The following IKZF2 variants were observed in gnomAD, a reference collection of about 807,000 sequenced individuals.
IKZF2 encodes IKAROS family zinc finger 2.
A neutral mutation model predicts 49.2 loss-of-function variants in IKZF2; 15 were observed. That is an observed-to-expected ratio of 0.30 (90% confidence interval 0.20 to 0.47). The LOEUF is 0.47. Among genes scored for constraint, IKZF2 ranks in the 20% least tolerant of loss-of-function variants. The pLI is 1.00. For missense variants in IKZF2, 567 were observed against 664.6 expected, an observed-to-expected ratio of 0.85 and a Z score of 1.61; for synonymous variants, 227 against 221.4, an observed-to-expected ratio of 1.03 and a Z score of -0.23.
In IKZF2 at chr2:213,089,482, C is replaced by G. The variant is rs1705049894; in HGVS notation, c.140-32383G>C. On this transcript the variant is annotated intron_variant, in intron 4 of 8. Coordinates refer to ENST00000434687, the MANE Select transcript of IKZF2 (RefSeq NM_001387220.1). The stretch of plus-strand genomic sequence containing the variant: ...ATATATGATCACCCCATACAGATCT[C>G]TCCCCTCTTTCAGACCACTGTAACC... Among the ~76,000 whole-genome samples the G allele has an allele frequency of 2.6e-5, 4 of 152,312 alleles. No homozygotes were observed. In the South Asian group the frequency reaches 8.3e-4, roughly 32 times the overall value.
rs1053231182 is a variant in IKZF2, at chr2:213,007,465, G to A, written c.1476C>T (p.Cys492=). ...ATTCCAGTGGGTCCCGGTAGCCATG[G>A]CAACCCATGTGAATGGTGTACATGA... ...DHVMYTIHMG[C]HGYRDPLECN... Residue 492 remains cysteine, a synonymous_variant, in exon 9 of 9, where the codon TGC becomes TGT. Transcript: ENST00000434687. 5 of 1,613,598 alleles carry A rather than the reference G, an allele frequency of 3.1e-6. No individual in the cohort carries two copies. The highest frequency in any genetic ancestry group is 4.2e-6 in the Non-Finnish European group (5 of 1,179,652).
intron 6 of IKZF2, among the ~76,000 whole-genome samples, chr2:213,039,101 C>CA (rs1699355055): frequency 2.0e-5 from 3 of 151,866 alleles, no homozygotes; most frequent in Admixed American, 2.0e-4. Flanking sequence ...CTTAAAAATG[C>CA]ATGTTAGTTT....
chr2:213,075,639 C>G (rs890844237), intron 4 of IKZF2, among the ~76,000 whole-genome samples: 1 of 152,006 alleles, frequency 6.6e-6, no homozygotes, highest in Non-Finnish European at 1.5e-5. Context: ...TTTCTTTTAA[C>G]AAAACTAGAA....
chr2:213,050,858 C>T (rs925527707), intron 5 of IKZF2, among the ~76,000 whole-genome samples: 2 of 151,872 alleles, frequency 1.3e-5, no homozygotes, highest in African/African-American at 4.8e-5. Flanking sequence ...ATTTTAAATT[C>T]ACCTATCACT....
At chr2:213,045,468 A>C (rs146093855) in intron 6 of IKZF2, among the ~76,000 whole-genome samples, 1 of 152,322 alleles carries the variant, frequency 6.6e-6, no homozygotes, top group African/African-American at 2.4e-5. Context: ...CCTTAAGGCT[A>C]GGTCAACTCT....
intron 5 of IKZF2, among the ~76,000 whole-genome samples, chr2:213,050,550 G>C (rs925528220): frequency 6.6e-6 from 1 of 152,140 alleles, no homozygotes; most frequent in African/African-American, 2.4e-5. Flanking sequence ...CAGGTTTCTT[G>C]ATTCTCCTGG....
chr2:213,015,122 T>G (rs1057273993), intron 7 of IKZF2: 1 of 152,044 alleles, frequency 6.6e-6, no homozygotes, highest in Non-Finnish European at 1.5e-5. Flanking sequence ...ACAATTCAGT[T>G]GATGTATTTA....
intron 4 of IKZF2, among the ~76,000 whole-genome samples, chr2:213,078,719 A>G (rs1248660500): frequency 6.6e-6 from 1 of 152,182 alleles, no homozygotes; most frequent in Non-Finnish European, 1.5e-5. Context: ...GTGGCTACCT[A>G]ATTTTGACAG....
chr2:213,094,688 G>T (rs1283425042), intron 4 of IKZF2, among the ~76,000 whole-genome samples: 2 of 152,126 alleles, frequency 1.3e-5, no homozygotes, highest in Admixed American at 6.6e-5. Context: ...TCTCAAACCT[G>T]TACAAAAGCA....
At position 213,083,538 on chromosome 2, in the gene IKZF2, C is replaced by A. The variant is rs567083479; in HGVS notation, c.140-26439G>T. On this transcript the variant is annotated intron_variant, in intron 4 of 8. Transcript: ENST00000434687. ...AGCTGGGATTACAGACATGCGCCAC[C>A]ACACCAGGCTAACTTTTTTTTTTTT... 2.7e-5 allele frequency among the ~76,000 whole-genome samples: 4 copies of A among 148,570 alleles called. No homozygotes were observed. The East Asian group carries it at 7.8e-4, about 29-fold the overall frequency.
At chr2:213,095,448 A>G (rs1296652208) in intron 4 of IKZF2, among the ~76,000 whole-genome samples, 1 of 152,086 alleles carries the variant, frequency 6.6e-6, no homozygotes, top group Non-Finnish European at 1.5e-5. Flanking sequence ...TGTAAAATGA[A>G]CATATGTAAA....
At chr2:213,104,869 T>A (rs1393252574) in intron 4 of IKZF2, among the ~76,000 whole-genome samples, 1 of 152,124 alleles carries the variant, frequency 6.6e-6, no homozygotes. Context: ...CATACTCAGA[T>A]AAGAATGTAA....
At chr2:213,148,543 A>G (rs1294521471) in intron 3 of IKZF2, 53 bp downstream of exon 3, 1 of 1,240,888 alleles carries the variant, frequency 8.1e-7, no homozygotes, top group Non-Finnish European at 1.2e-6. Flanking sequence ...AAACACAGGT[A>G]ATACAAAGGC....
chr2:213,048,120 TAG>T (rs1700338551), intron 6 of IKZF2, among the ~76,000 whole-genome samples: 2 of 152,238 alleles, frequency 1.3e-5, no homozygotes, highest in South Asian at 4.1e-4. Flanking sequence ...GGTGATGCAG[TAG>T]CTGGATGCCC....
At chr2:213,144,678 C>T (rs1030299436) in intron 4 of IKZF2, among the ~76,000 whole-genome samples, 11 of 151,962 alleles carry the variant, frequency 7.2e-5, no homozygotes, top group Non-Finnish European at 1.6e-4. Flanking sequence ...ACTGTCATCC[C>T]TGACACCGAA....
chr2:213,105,492 C>T (rs73077283), intron 4 of IKZF2, among the ~76,000 whole-genome samples: 1,906 of 147,310 alleles, frequency 0.013, 34 homozygotes, highest in African/African-American at 0.046. Flanking sequence ...TTTGTCTATA[C>T]ACAATACGTC....
chr2:213,128,898 C>G (rs1003742864), intron 4 of IKZF2, among the ~76,000 whole-genome samples: 1 of 150,918 alleles, frequency 6.6e-6, no homozygotes, highest in Non-Finnish European at 1.5e-5. Context: ...GTGATCCACC[C>G]GTCTCGGCCT....
intron 6 of IKZF2, among the ~76,000 whole-genome samples, chr2:213,028,894 A>G (rs539554092): frequency 7.3e-4 from 111 of 152,098 alleles, no homozygotes; most frequent in Admixed American, 2.6e-3. Context: ...AATTATGTCA[A>G]ATACTTTTTC....
intron 4 of IKZF2, among the ~76,000 whole-genome samples, chr2:213,114,824 C>T (rs1013021724): frequency 6.6e-6 from 1 of 151,546 alleles, no homozygotes; most frequent in Non-Finnish European, 1.5e-5. Context: ...CCCAGCTACT[C>T]AGGAGGCTGA....
Sources: gnomAD v4.1 joint callset for allele counts (sites outside exome capture counted in the v4.1 genomes callset) on GRCh38, gnomAD v4.1.1 for gene constraint, MANE v1.5 for transcripts, NCBI Gene and HGNC (gene_info 2026-07-23, HGNC 2026-07-21) for gene names.